ZNF229: variants seen among roughly 807,000 people sequenced by gnomAD.
ZNF229 encodes zinc finger protein 229.
In ZNF229, 10 loss-of-function variants were observed where a neutral mutation model predicts 11.8. That is an observed-to-expected ratio of 0.85 (90% CI 0.52 to 1.44). The LOEUF (loss-of-function observed/expected upper bound fraction) is 1.44. Ranked by LOEUF, ZNF229 falls within the 40% of genes most tolerant of loss-of-function variation. The probability of loss-of-function intolerance (pLI) is 0.00; values close to 1 mark genes in which losing one functional copy is unlikely to be tolerated. For missense variants in ZNF229, 1,045 were observed against 1,015.1 expected (o/e 1.03, Z -0.40); for synonymous variants, 368 against 374.8 (o/e 0.98, Z 0.21).
intron 2 of ZNF229, among the ~76,000 whole-genome samples, chr19:44,445,795 G>A (rs1451738832): frequency 3.3e-5 from 5 of 152,200 alleles, no homozygotes; most frequent in African/African-American, 1.2e-4. Flanking sequence ...CACACAGCAG[G>A]TGCTCAATAA....
chr19:44,429,812 A>G lies in ZNF229; in HGVS notation c.969T>C (p.Ser323=), dbSNP rs1568402289. ...GTCTGACGCCCCGACCACGCTCAAG[A>G]CTCTTAACAGATTTCTCTCCTGTGG... is the stretch of plus-strand genomic sequence containing the variant. The part of the protein sequence containing the change: ...RVPTGEKSVK[S]LERGRGVRQN... Residue 323 remains serine, a synonymous_variant, in exon 6 of 6, where the codon AGT becomes AGC. Transcript: ENST00000614049. The G allele has an allele frequency of 6.2e-7, 1 of 1,613,880 alleles. No homozygotes were observed. Among genetic ancestry groups the G allele is most frequent in the South Asian group, 1.1e-5 (1 of 91,074 alleles).
intron 4 of ZNF229, among the ~76,000 whole-genome samples, chr19:44,436,923 A>G (rs1409891207): frequency 6.6e-6 from 1 of 151,582 alleles, no homozygotes; most frequent in Non-Finnish European, 1.5e-5. Context: ...ATGTGTGTGT[A>G]TATATATATA....
Position 44,428,122 on chromosome 19 carries a change from C to CT in ZNF229, c.*180dup. ...GACTCTTAAAGACTGAAGTTTGTAACTGAAGTGCTAACCTATTTATCACAC... is the reference window on the plus strand; with the variant it reads ...GACTCTTAAAGACTGAAGTTTGTAACTTGAAGTGCTAACCTATTTATCACAC... On this transcript the variant is annotated 3_prime_UTR_variant, in exon 6 of 6. Coordinates refer to ENST00000614049, the MANE Select transcript of ZNF229 (RefSeq NM_014518.4). 4.7e-6 allele frequency: 3 copies of CT among 637,224 alleles called. No individual in the cohort carries two copies. In the South Asian group the frequency reaches 7.2e-5, roughly 15 times the overall value. 39.5% of individuals were successfully genotyped at this position (637,224 alleles called of 1,614,324 possible).
At position 44,429,610 on chromosome 19, in the gene ZNF229, T is replaced by A; in HGVS notation, c.1171A>T (p.Asn391Tyr). Residue 391 changes from asparagine to tyrosine, a missense_variant, in exon 6 of 6, where the codon AAC becomes TAC. Coordinates refer to ENST00000614049, the MANE Select transcript of ZNF229 (RefSeq NM_014518.4). ...ECGKAFGRSSNLLVHQRVHTG... is the reference protein window; with the variant it reads ...ECGKAFGRSSYLLVHQRVHTG... ...TGGACCCTCTGATGGACAAGCAGGT[T>A]TGAACTTCGACCAAATGCCTTCCCA... is the stretch of plus-strand genomic sequence containing the variant. 6.2e-7 allele frequency: 1 copy of A among 1,613,920 alleles called. No individual in the cohort carries two copies.
intron 5 of ZNF229, 92 bp from the exon 6 acceptor site, chr19:44,430,634 A>C: frequency 8.3e-7 from 1 of 1,209,808 alleles, no homozygotes; most frequent in Middle Eastern, 2.8e-4. Context: ...AATAGCCTAG[A>C]GAAAAATTAG....
intron 4 of ZNF229, among the ~76,000 whole-genome samples, chr19:44,438,661 A>T (rs1458352835): frequency 6.6e-6 from 1 of 152,174 alleles, no homozygotes; most frequent in Non-Finnish European, 1.5e-5. Flanking sequence ...GATTAGACTT[A>T]TAGTACTTCC....
At chr19:44,443,256 G>A (rs1310408889) in intron 2 of ZNF229, among the ~76,000 whole-genome samples, 3 of 152,204 alleles carry the variant, frequency 2.0e-5, no homozygotes, top group Non-Finnish European at 4.4e-5. Context: ...TAAATTCTCA[G>A]TAAGGCACAG....
rs1008609490 is a variant in ZNF229, at chr19:44,446,410, T to C, written c.-178+1103A>G. Among the ~76,000 whole-genome samples, 4 of 152,244 alleles carry C rather than the reference T, an allele frequency of 2.6e-5. No individual in the cohort carries two copies. In the East Asian group the frequency reaches 7.7e-4, roughly 29 times the overall value. ...AATTCTGGTTCAGCCACTTTGTAGT[T>C]ATATTAACACCACAGGAGAGACTTA... is the stretch of plus-strand genomic sequence containing the variant. On this transcript the variant is annotated intron_variant, in intron 2 of 5. Transcript: ENST00000614049.
At position 44,430,358 on chromosome 19, in the gene ZNF229, T is replaced by C. The variant is rs1321008589; in HGVS notation, c.423A>G (p.Gln141=). ...FQFSEDAAPH[Q]GWEGASTPCF... is the part of the protein sequence containing the mutation. ...ACGGCGTAGATGCTCCTTCCCACCC[T>C]TGATGGGGAGCAGCATCTTCTGAGA... The change falls in exon 6 of 6, where the codon CAA becomes CAG. Residue 141 remains glutamine (Q), a synonymous_variant. Coordinates refer to ENST00000614049, the MANE Select transcript of ZNF229 (RefSeq NM_014518.4). The C allele has an allele frequency of 6.2e-7, 1 of 1,614,030 alleles. No homozygotes were observed. The highest frequency in any genetic ancestry group is 1.3e-5 in the African/African-American group (1 of 74,866).
Position 44,447,575 on chromosome 19 carries a change from G to C in ZNF229, c.-240C>G, listed in dbSNP as rs1051752525. The C allele has an allele frequency of 1.3e-5, 2 of 152,164 alleles. No individual in the cohort carries two copies. The highest frequency in any genetic ancestry group is 4.8e-5 in the African/African-American group (2 of 41,434). 9.4% of individuals were successfully genotyped at this position (152,164 alleles called of 1,614,324 possible). ...CCTTCTTTTATACAATTATCTCCGA[G>C]AAACGAACAATTCCAAGAAGGAAGC... is the stretch of plus-strand genomic sequence containing the variant. On this transcript the variant is annotated 5_prime_UTR_variant, in exon 2 of 6. Transcript: ENST00000614049.
In ZNF229 at chr19:44,427,239, C is replaced by CG. The variant is rs1491145940; in HGVS notation, c.*1063_*1064insC. ...AAACCATATCAGACTGTTTCTACAACCCCCCCCCCCGCCCCCACTGATGGG... is the reference window on the plus strand; with the variant it reads ...AAACCATATCAGACTGTTTCTACAACGCCCCCCCCCCGCCCCCACTGATGGG... On this transcript the variant is annotated 3_prime_UTR_variant, in exon 6 of 6. Transcript: ENST00000614049. The CG allele has an allele frequency of 2.0e-4, 4 of 20,068 alleles. No homozygotes were observed. In the East Asian group the frequency reaches 6.5e-3, roughly 33 times the overall value. 1.2% of individuals were successfully genotyped at this position (20,068 alleles called of 1,614,324 possible).
At chr19:44,440,727 CTT>C (rs5828196) in intron 4 of ZNF229, among the ~76,000 whole-genome samples, 68 of 145,296 alleles carry the variant, frequency 4.7e-4, no homozygotes, top group Middle Eastern at 3.6e-3. Context: ...AACCAACATT[CTT>C]TTTTTTTTTT....
intron 2 of ZNF229, among the ~76,000 whole-genome samples, chr19:44,446,383 C>T (rs940751664): frequency 1.3e-4 from 20 of 152,140 alleles, no homozygotes; most frequent in Admixed American, 1.3e-3. Context: ...GGTTTAGGTT[C>T]GAATTCTGGT....
At chr19:44,445,933 G>A (rs1022500942) in intron 2 of ZNF229, among the ~76,000 whole-genome samples, 6 of 152,204 alleles carry the variant, frequency 3.9e-5, no homozygotes, top group African/African-American at 1.4e-4. Context: ...TAATTTGGGT[G>A]CTAAGGACTA....
Position 44,432,211 on chromosome 19 carries a change from G to C in ZNF229, c.238+11C>G, listed in dbSNP as rs751247406. The C allele has an allele frequency of 5.0e-6, 8 of 1,604,476 alleles. No homozygotes were observed. The highest frequency in any genetic ancestry group is 1.1e-5 in the South Asian group (1 of 89,154). On this transcript the variant is annotated intron_variant, in intron 5 of 5. Transcript: ENST00000614049. The stretch of plus-strand genomic sequence containing the variant: ...GAACAAGAACACTCCAAGAAGTTCA[G>C]TTCCAATTACCCAGAGGATTCCTCT...
intron 4 of ZNF229, among the ~76,000 whole-genome samples, chr19:44,435,551 C>T (rs1049443496): frequency 1.3e-5 from 2 of 151,496 alleles, no homozygotes; most frequent in African/African-American, 4.9e-5. Context: ...AGCGGAGACT[C>T]GGTGCCCAGG....
chr19:44,438,664 G>A (rs1289141646), intron 4 of ZNF229, among the ~76,000 whole-genome samples: 1 of 152,154 alleles, frequency 6.6e-6, no homozygotes, highest in African/African-American at 2.4e-5. Context: ...TAGACTTATA[G>A]TACTTCCCCC....
intron 5 of ZNF229, chr19:44,431,782 T>G: frequency 3.0e-6 from 3 of 988,788 alleles, no homozygotes; most frequent in Non-Finnish European, 3.6e-6. Context: ...GATGCATTTC[T>G]TGGAGTTTCT....
Position 44,427,263 on chromosome 19 carries a change from G to A in ZNF229, c.*1040C>T, listed in dbSNP as rs1971594375. ...ACCCCCCCCCCCGCCCCCACTGATG[G>A]GGGATTTGATGATTCTATTTTAATA... On this transcript the variant is annotated 3_prime_UTR_variant, in exon 6 of 6. Coordinates refer to ENST00000614049, the MANE Select transcript of ZNF229 (RefSeq NM_014518.4). 1 of 140,438 alleles carries A rather than the reference G, an allele frequency of 7.1e-6. No individual in the cohort carries two copies. The highest frequency in any genetic ancestry group is 2.1e-4 in the East Asian group (1 of 4,782). The allele number at this position is 140,438 out of a possible 1,614,324, so 8.7% of individuals were successfully genotyped here. A position where few individuals can be genotyped will look rare whatever the true frequency, so the allele number is the denominator to read the frequency against.
Sources: gnomAD v4.1 joint callset for allele counts (sites outside exome capture counted in the v4.1 genomes callset) on GRCh38, gnomAD v4.1.1 for gene constraint, MANE v1.5 for transcripts, NCBI Gene and HGNC (gene_info 2026-07-23, HGNC 2026-07-21) for gene names.